Variants in ZCCHC7 observed in about 807,000 individuals in gnomAD.
ZCCHC7 encodes zinc finger CCHC domain-containing protein 7.
ZCCHC7 carries 35 observed loss-of-function variants against 52.0 expected under a neutral mutation model. That is an observed-to-expected ratio of 0.67 (90% confidence interval 0.51 to 0.89). ZCCHC7 has a LOEUF of 0.89. Ranked by LOEUF, ZCCHC7 falls within the 40% of genes least tolerant of loss-of-function variation. ZCCHC7 has a pLI of 0.00. For synonymous variants in ZCCHC7, 217 were observed against 221.5 expected (o/e 0.98, Z 0.18); for missense variants, 574 against 649.1 (o/e 0.88, Z 1.26).
At chr9:37,212,746 C>A (rs1824309018) in intron 2 of ZCCHC7, among the ~76,000 whole-genome samples, 1 of 152,178 alleles carries the variant, frequency 6.6e-6, no homozygotes, top group African/African-American at 2.4e-5. Flanking sequence ...CTTCTTGCTT[C>A]CTTGACCCCT....
intron 2 of ZCCHC7, among the ~76,000 whole-genome samples, chr9:37,293,546 A>G (rs1828636987): frequency 6.6e-6 from 1 of 152,142 alleles, no homozygotes; most frequent in Non-Finnish European, 1.5e-5. Context: ...TACATATGGT[A>G]TATTTTCTTT....
intron 2 of ZCCHC7, among the ~76,000 whole-genome samples, chr9:37,197,695 G>T (rs1823360373): frequency 6.6e-6 from 1 of 152,058 alleles, no homozygotes; most frequent in Non-Finnish European, 1.5e-5. Flanking sequence ...CTATGCAGGA[G>T]TCCTCTCTGT....
chr9:37,304,065 A>G, intron 3 of ZCCHC7, 123 bp from the exon 4 acceptor site: 1 of 905,108 alleles, frequency 1.1e-6, no homozygotes, highest in Non-Finnish European at 1.7e-6. Context: ...TATCAAGGTA[A>G]TGGAACTGAC....
intron 2 of ZCCHC7, among the ~76,000 whole-genome samples, chr9:37,273,189 T>C (rs1391412883): frequency 6.6e-6 from 1 of 152,110 alleles, no homozygotes; most frequent in Non-Finnish European, 1.5e-5. Context: ...GCCTAAAATA[T>C]TTACTACATG....
chr9:37,289,478 A>G (rs1320797552), intron 2 of ZCCHC7, among the ~76,000 whole-genome samples: 1 of 152,136 alleles, frequency 6.6e-6, no homozygotes, highest in East Asian at 1.9e-4. Flanking sequence ...GTTCTTCAAC[A>G]AATCTTATTA....
chr9:37,162,220 ATATAC>A (rs996747507), intron 2 of ZCCHC7, among the ~76,000 whole-genome samples: 3 of 152,082 alleles, frequency 2.0e-5, no homozygotes, highest in Non-Finnish European at 2.9e-5. Context: ...ATTATACATA[ATATAC>A]TATAGTATGT....
At chr9:37,138,245 G>T (rs777627807) in intron 2 of ZCCHC7, among the ~76,000 whole-genome samples, 1 of 152,108 alleles carries the variant, frequency 6.6e-6, no homozygotes, top group Non-Finnish European at 1.5e-5. Context: ...AAAATGTTCA[G>T]TTTCAGCTTT....
At chr9:37,127,994 G>T (rs1842613812) in intron 2 of ZCCHC7, among the ~76,000 whole-genome samples, 1 of 152,184 alleles carries the variant, frequency 6.6e-6, no homozygotes, top group South Asian at 2.1e-4. Context: ...GCCGGCTCAG[G>T]CTGTAGTTTG....
intron 2 of ZCCHC7, among the ~76,000 whole-genome samples, chr9:37,170,664 CT>C (rs1821680158): frequency 6.6e-6 from 1 of 152,144 alleles, no homozygotes; most frequent in African/African-American, 2.4e-5. Flanking sequence ...CCTATATTGT[CT>C]TTTTCTTGGA....
At chr9:37,163,303 G>C (rs1031915322) in intron 2 of ZCCHC7, among the ~76,000 whole-genome samples, 1 of 147,592 alleles carries the variant, frequency 6.8e-6, no homozygotes, top group African/African-American at 2.5e-5. Context: ...CACAAGAATT[G>C]CTTGAACCTA....
intron 2 of ZCCHC7, among the ~76,000 whole-genome samples, chr9:37,200,690 T>C (rs986632444): frequency 7.2e-5 from 11 of 152,066 alleles, no homozygotes; most frequent in African/African-American, 9.7e-5. Flanking sequence ...AAATAAGAAA[T>C]TTGAGGGTGT....
chr9:37,132,455 C>T (rs1339594974), intron 2 of ZCCHC7, among the ~76,000 whole-genome samples: 2 of 152,122 alleles, frequency 1.3e-5, no homozygotes, highest in Non-Finnish European at 2.9e-5. Flanking sequence ...TCTAATCTTT[C>T]CTATCTATAA....
chr9:37,204,317 C>T (rs1054356906), intron 2 of ZCCHC7, among the ~76,000 whole-genome samples: 1 of 152,160 alleles, frequency 6.6e-6, no homozygotes, highest in Non-Finnish European at 1.5e-5. Flanking sequence ...TTAATTAGAT[C>T]CCATATGTCA....
At chr9:37,140,341 C>T (rs1843168098) in intron 2 of ZCCHC7, among the ~76,000 whole-genome samples, 1 of 151,978 alleles carries the variant, frequency 6.6e-6, no homozygotes, top group Non-Finnish European at 1.5e-5. Flanking sequence ...TCATTCAACA[C>T]CTCAGCCCTT....
At position 37,244,050 on chromosome 9, in the gene ZCCHC7, A is replaced by AT. The variant is rs1315297144; in HGVS notation, c.611-58131dup. On this transcript the variant is annotated intron_variant, in intron 2 of 8. Coordinates refer to ENST00000336755, the MANE Select transcript of ZCCHC7 (RefSeq NM_032226.3). ...AATAAGGATTTACCTTAAATTAAGC[A>AT]TTTTTTTGGTATGTTTATTGTCTCC... 3.3e-5 allele frequency among the ~76,000 whole-genome samples: 5 copies of AT among 151,692 alleles called. No individual in the cohort carries two copies. The South Asian group carries it at 8.3e-4, about 25-fold the overall frequency.
chr9:37,255,372 C>T (rs1826536149), intron 2 of ZCCHC7, among the ~76,000 whole-genome samples: 1 of 151,990 alleles, frequency 6.6e-6, no homozygotes, highest in Non-Finnish European at 1.5e-5. Context: ...AATCTGATAA[C>T]CCAGATGGCT....
Position 37,356,917 on chromosome 9 carries a change from AAGG to A in ZCCHC7, c.1283_1285del (p.Arg428del). 1.9e-6 allele frequency: 3 copies of A among 1,613,864 alleles called. No homozygotes were observed. The highest frequency in any genetic ancestry group is 2.5e-6 in the Non-Finnish European group (3 of 1,179,940). ...CAAATGAGAACCCCCACCATGATAT[AAGG>A]AAGGGCCGTGCCTCATGGAAAAGCA... On this transcript the variant is annotated inframe_deletion, in exon 9 of 9. Coordinates refer to ENST00000336755, the MANE Select transcript of ZCCHC7 (RefSeq NM_032226.3).
rs1371466022 is a variant in ZCCHC7 at position 37,357,064 on chromosome 9, CCCCAAAA to C, written c.1431_1437del (p.Lys478ThrfsTer71). ...AAGTGGATGAGGATTTTCCCAGGGGCCCCAAAACCTACTCTTCTCCTGGCAGTTTTAA... is the reference window on the plus strand; with the variant it reads ...AAGTGGATGAGGATTTTCCCAGGGGCCCTACTCTTCTCCTGGCAGTTTTAA... On this transcript the variant is annotated frameshift_variant, in exon 9 of 9. Transcript: ENST00000336755. LOFTEE classifies it low-confidence loss of function (END_TRUNC). 1 of 1,613,568 alleles carries C rather than the reference CCCCAAAA, an allele frequency of 6.2e-7. No homozygotes were observed. The highest frequency in any genetic ancestry group is 8.5e-7 in the Non-Finnish European group (1 of 1,179,938).
chr9:37,185,892 C>T (rs1269974213), intron 2 of ZCCHC7, among the ~76,000 whole-genome samples: 2 of 152,116 alleles, frequency 1.3e-5, no homozygotes, highest in South Asian at 2.1e-4. Flanking sequence ...CTATTTGATG[C>T]ACTATCAGGA....
Sources: gnomAD v4.1 joint callset for allele counts (sites outside exome capture counted in the v4.1 genomes callset) on GRCh38, gnomAD v4.1.1 for gene constraint, MANE v1.5 for transcripts, NCBI Gene and HGNC (gene_info 2026-07-23, HGNC 2026-07-21) for gene names.